The following CLEC16A variants were observed in gnomAD, a reference collection of about 807,000 sequenced individuals.
CLEC16A encodes the protein C-type lectin domain containing 16A, also known as protein CLEC16A.
A neutral mutation model predicts 109.5 loss-of-function variants in CLEC16A; 51 were observed. The ratio of observed to expected loss-of-function variants is 0.47; its 90% CI spans 0.37 to 0.59. The LOEUF is 0.59. Among genes scored for constraint, CLEC16A ranks in the 20% least tolerant of loss-of-function variants. The pLI is 0.00. For synonymous variants in CLEC16A, 673 were observed against 564.2 expected (o/e 1.19, Z -2.73); for missense variants, 1,339 against 1,394.0 (o/e 0.96, Z 0.63).
chr16:11,022,219 G>T (rs770378615), intron 12 of CLEC16A, among the ~76,000 whole-genome samples: 14 of 152,098 alleles, frequency 9.2e-5, no homozygotes, highest in Non-Finnish European at 1.3e-4. Flanking sequence ...CCCAGGTGGA[G>T]AGCAGCTTTC....
At chr16:10,982,573 C>T (rs80038653) in intron 9 of CLEC16A, among the ~76,000 whole-genome samples, 1 of 152,168 alleles carries the variant, frequency 6.6e-6, no homozygotes, top group African/African-American at 2.4e-5. Context: ...GCTGTTCTTT[C>T]CCGCATTGCT....
chr16:11,083,096 G>A lies in CLEC16A; in HGVS notation c.2116+22074G>A, dbSNP rs2049818019. Among the ~76,000 whole-genome samples, 6 of 152,200 alleles carry A rather than the reference G, an allele frequency of 3.9e-5. No individual in the cohort carries two copies. In the South Asian group the frequency reaches 1.0e-3, roughly 26 times the overall value. On this transcript the variant is annotated intron_variant, in intron 19 of 23. Transcript: ENST00000409790. Reference sequence around the variant, plus strand: ...GCTTAGTAAGAGCTGCCCCTCATCAGCAGCTCACCATGTAGGGGGATTGAG... The same window carrying A: ...GCTTAGTAAGAGCTGCCCCTCATCAACAGCTCACCATGTAGGGGGATTGAG...
intron 17 of CLEC16A, among the ~76,000 whole-genome samples, chr16:11,049,242 G>A (rs1219604007): frequency 4.6e-5 from 7 of 152,102 alleles, no homozygotes; most frequent in South Asian, 2.1e-4. Flanking sequence ...CCCTGACCTC[G>A]TGATCCGCCC....
rs892287289 is a variant in CLEC16A, at chr16:11,027,234, C to T, written c.1537+2313C>T. On this transcript the variant is annotated intron_variant, in intron 13 of 23. Coordinates refer to ENST00000409790, the MANE Select transcript of CLEC16A (RefSeq NM_015226.3). The stretch of plus-strand genomic sequence containing the variant: ...GAAACCTGACAAGGTGCATCTCAGA[C>T]GACTAGAAGTGAAACCTCATGCCGT... The T allele has an allele frequency of 6.2e-5, 94 of 1,515,556 alleles. 2 individuals are homozygous for T. The highest frequency in any genetic ancestry group is 2.4e-4 in the South Asian group (21 of 89,152). 93.9% of individuals were successfully genotyped at this position (1,515,556 alleles called of 1,614,324 possible). A position where few individuals can be genotyped will look rare whatever the true frequency, so the allele number is the denominator to read the frequency against.
intron 19 of CLEC16A, among the ~76,000 whole-genome samples, chr16:11,110,763 C>A (rs746270270): frequency 6.6e-6 from 1 of 152,118 alleles, no homozygotes; most frequent in Non-Finnish European, 1.5e-5. Flanking sequence ...GTTAAGTGTT[C>A]TTCTTATAAG....
In CLEC16A at chr16:11,109,516, C is replaced by G. The variant is rs866869696; in HGVS notation, c.2117-11099C>G. ...GCCTGGAATGGTGCTGCATCCCCAA[C>G]TCCGGTGAAAGCCAGCAATGCTCAG... is the stretch of plus-strand genomic sequence containing the variant. On this transcript the variant is annotated intron_variant, in intron 19 of 23. Coordinates refer to ENST00000409790, the MANE Select transcript of CLEC16A (RefSeq NM_015226.3). Among the ~76,000 whole-genome samples the G allele has an allele frequency of 2.6e-5, 4 of 152,282 alleles. No individual in the cohort carries two copies. The South Asian group carries it at 8.3e-4, about 32-fold the overall frequency.
intron 18 of CLEC16A, among the ~76,000 whole-genome samples, chr16:11,058,335 C>G (rs1371109337): frequency 6.6e-6 from 1 of 152,234 alleles, no homozygotes; most frequent in Admixed American, 6.5e-5. Flanking sequence ...CACAGATGCT[C>G]AAGTCCCTTA....
intron 16 of CLEC16A, 74 bp from the exon 17 acceptor site, chr16:11,047,218 G>C (rs2047680289): frequency 7.9e-7 from 1 of 1,264,482 alleles, no homozygotes; most frequent in Admixed American, 2.5e-5. Flanking sequence ...CCACAAACTA[G>C]AGTTTATAAT....
At chr16:10,960,755 A>G (rs1416195054) in intron 2 of CLEC16A, among the ~76,000 whole-genome samples, 1 of 152,188 alleles carries the variant, frequency 6.6e-6, no homozygotes, top group African/African-American at 2.4e-5. Flanking sequence ...TCATTTATGC[A>G]GTCATTTGCT....
intron 18 of CLEC16A, among the ~76,000 whole-genome samples, chr16:11,057,244 G>A (rs1165456285): frequency 6.6e-6 from 1 of 152,202 alleles, no homozygotes; most frequent in Non-Finnish European, 1.5e-5. Context: ...GGCCTCAGTG[G>A]GCTTCTAACT....
chr16:11,030,516 T>C (rs2046679308), intron 13 of CLEC16A, among the ~76,000 whole-genome samples: 1 of 152,232 alleles, frequency 6.6e-6, no homozygotes, highest in Admixed American at 6.5e-5. Context: ...CCTAATGACA[T>C]TGAACATCTT....
rs542285288 is a variant in CLEC16A at position 10,992,566 on chromosome 16, A to G, written c.1071+9575A>G. 1.7e-4 allele frequency among the ~76,000 whole-genome samples: 16 copies of G among 96,786 alleles called. No individual in the cohort carries two copies. The East Asian group carries it at 7.6e-3, about 46-fold the overall frequency. The allele number at this position is 96,786 out of a possible 152,430, so 63.5% of individuals were successfully genotyped here. On this transcript the variant is annotated intron_variant, in intron 10 of 23. Coordinates refer to ENST00000409790, the MANE Select transcript of CLEC16A (RefSeq NM_015226.3). The stretch of plus-strand genomic sequence containing the variant: ...ATAAAAAAGAAAAAGATAACATTAA[A>G]TGGTTTTATTCACTCAAATAATATT...
At chr16:11,155,988 T>C (rs550454837) in intron 22 of CLEC16A, among the ~76,000 whole-genome samples, 204 of 152,272 alleles carry the variant, frequency 1.3e-3, no homozygotes, top group Non-Finnish European at 1.1e-3. Context: ...CAGTGTAGGA[T>C]ACACACTGTA....
intron 22 of CLEC16A, among the ~76,000 whole-genome samples, chr16:11,151,864 A>C (rs184956832): frequency 1.3e-5 from 2 of 152,292 alleles, no homozygotes; most frequent in East Asian, 3.9e-4. Flanking sequence ...GAGCCTTTCA[A>C]ATGGAGCCAA....
At chr16:10,985,910 T>G (rs570448490) in intron 10 of CLEC16A, among the ~76,000 whole-genome samples, 1 of 151,788 alleles carries the variant, frequency 6.6e-6, no homozygotes, top group Admixed American at 6.6e-5. Context: ...TTCACCATGT[T>G]GGCCAGGCTG....
At chr16:11,099,907 G>T (rs2050813940) in intron 19 of CLEC16A, among the ~76,000 whole-genome samples, 1 of 152,150 alleles carries the variant, frequency 6.6e-6, no homozygotes, top group Non-Finnish European at 1.5e-5. Flanking sequence ...TAAGTGTCCA[G>T]CATGTGGCAG....
chr16:10,965,520 C>T (rs111331653), intron 3 of CLEC16A, among the ~76,000 whole-genome samples: 5 of 152,324 alleles, frequency 3.3e-5, no homozygotes, highest in East Asian at 3.9e-4. Context: ...TTCTGTAACC[C>T]TGCCTGGTTT....
chr16:10,944,784 T>C lies in CLEC16A; in HGVS notation c.67T>C (p.Leu23=). 1 of 1,608,970 alleles carries C rather than the reference T, an allele frequency of 6.2e-7. No individual in the cohort carries two copies. Among genetic ancestry groups the C allele is most frequent in the Non-Finnish European group, 8.5e-7 (1 of 1,178,316 alleles). Residue 23 remains leucine, a synonymous_variant, in exon 1 of 24, where the codon TTG becomes CTG. Transcript: ENST00000409790. ...HGKTSRNIHS[L]DHLKYLYHVL... is the part of the protein sequence containing the mutation. ...CAAGACTTCCCGCAACATCCACTCC[T>C]TGGACCACCTCAAGTGAGTGTGGGG... is the stretch of plus-strand genomic sequence containing the variant.
intron 19 of CLEC16A, among the ~76,000 whole-genome samples, chr16:11,061,656 G>A (rs975310176): frequency 3.3e-5 from 5 of 152,214 alleles, no homozygotes; most frequent in Admixed American, 2.0e-4. Context: ...CAGGGCACAG[G>A]CACACTAATG....
Sources: gnomAD v4.1 joint callset for allele counts (sites outside exome capture counted in the v4.1 genomes callset) on GRCh38, gnomAD v4.1.1 for gene constraint, MANE v1.5 for transcripts, NCBI Gene and HGNC (gene_info 2026-07-23, HGNC 2026-07-21) for gene names.